Variants in DNAJC1 observed in about 807,000 individuals in gnomAD.
DNAJC1 encodes the protein dnaJ homolog subfamily C member 1.
In DNAJC1, 58 loss-of-function variants were observed where a neutral mutation model predicts 76.6. The ratio of observed to expected loss-of-function variants is 0.76; its 90% CI spans 0.61 to 0.94. DNAJC1 has a LOEUF of 0.94. Among genes scored for constraint, DNAJC1 ranks in the 40% least tolerant of loss-of-function variants. The pLI, the probability that DNAJC1 is intolerant of heterozygous loss-of-function variation, is 0.00. For missense variants in DNAJC1, 689 were observed against 677.3 expected (o/e 1.02, Z -0.19); for synonymous variants, 258 against 267.9 (o/e 0.96, Z 0.36).
intron 8 of DNAJC1, among the ~76,000 whole-genome samples, chr10:21,846,677 A>T (rs972101424): frequency 6.6e-6 from 1 of 152,114 alleles, no homozygotes; most frequent in Non-Finnish European, 1.5e-5. Context: ...GAAGACAGAA[A>T]ATTTAAAAGC....
At chr10:21,959,487 T>C (rs1837750177) in intron 1 of DNAJC1, among the ~76,000 whole-genome samples, 1 of 152,100 alleles carries the variant, frequency 6.6e-6, no homozygotes, top group Non-Finnish European at 1.5e-5. Flanking sequence ...GAATACATTT[T>C]TAAAACACTG....
rs747281681 is a variant in DNAJC1, at chr10:21,759,304, C to A, written c.1462G>T (p.Glu488Ter). ...GGCTCCTCTGCAGACCGAGCTCTCT[C>A]TTTTCTCAGGCTCTCCTCGTCGCTG... ...ESSDEESLRK[E>*]RARSAEEPWT... Residue 488 changes from glutamate to a stop codon, truncating the protein, a stop_gained, in exon 11 of 12, where the codon GAG becomes TAG. Coordinates refer to ENST00000376980, the MANE Select transcript of DNAJC1 (RefSeq NM_022365.4). LOFTEE classifies it high-confidence loss of function. 2 of 1,614,256 alleles carry A rather than the reference C, an allele frequency of 1.2e-6. No individual in the cohort carries two copies. The highest frequency in any genetic ancestry group is 3.3e-5 in the Admixed American group (2 of 60,030).
At chr10:21,934,155 T>A (rs940953603) in intron 1 of DNAJC1, among the ~76,000 whole-genome samples, 1 of 151,934 alleles carries the variant, frequency 6.6e-6, no homozygotes, top group Non-Finnish European at 1.5e-5. Context: ...ATGATCATGA[T>A]CCTGTGTAGG....
At chr10:21,911,636 T>C (rs1836865569) in intron 6 of DNAJC1, among the ~76,000 whole-genome samples, 1 of 152,188 alleles carries the variant, frequency 6.6e-6, no homozygotes. Context: ...TAGAAGAGAC[T>C]GTAGAAGCCA....
chr10:21,824,126 G>A (rs1353995978), intron 8 of DNAJC1, among the ~76,000 whole-genome samples: 1 of 152,168 alleles, frequency 6.6e-6, no homozygotes, highest in Non-Finnish European at 1.5e-5. Context: ...AAGATTCTAG[G>A]CATTCTGAGA....
At chr10:21,897,496 G>A (rs1836562499) in intron 7 of DNAJC1, among the ~76,000 whole-genome samples, 1 of 152,166 alleles carries the variant, frequency 6.6e-6, no homozygotes, top group Non-Finnish European at 1.5e-5. Context: ...CATGGACTTA[G>A]GAACCAGACC....
At chr10:21,925,625 G>C (rs1837115603) in intron 3 of DNAJC1, among the ~76,000 whole-genome samples, 1 of 152,088 alleles carries the variant, frequency 6.6e-6, no homozygotes, top group East Asian at 1.9e-4. Flanking sequence ...TGAACTACTG[G>C]TATATGCTAC....
intron 8 of DNAJC1, among the ~76,000 whole-genome samples, chr10:21,815,821 C>A (rs1835066275): frequency 6.6e-6 from 1 of 151,690 alleles, no homozygotes; most frequent in African/African-American, 2.4e-5. Context: ...ACTTGGCGCA[C>A]TACAACCTCT....
At chr10:21,861,769 A>C (rs550668234) in intron 8 of DNAJC1, among the ~76,000 whole-genome samples, 14 of 152,212 alleles carry the variant, frequency 9.2e-5, no homozygotes, top group African/African-American at 3.4e-4. Flanking sequence ...GTTACCCCGG[A>C]TGGTCTAGAA....
intron 8 of DNAJC1, among the ~76,000 whole-genome samples, chr10:21,852,937 T>A (rs1280480089): frequency 6.6e-6 from 1 of 152,190 alleles, no homozygotes; most frequent in Non-Finnish European, 1.5e-5. Context: ...ACTAGTTAGC[T>A]ATGATTTTCA....
intron 8 of DNAJC1, among the ~76,000 whole-genome samples, chr10:21,835,663 G>C (rs1353488809): frequency 6.6e-6 from 1 of 152,218 alleles, no homozygotes; most frequent in Admixed American, 6.5e-5. Context: ...CAACACACGA[G>C]AGCTACGTGA....
At chr10:21,833,029 A>T (rs1835386132) in intron 8 of DNAJC1, among the ~76,000 whole-genome samples, 1 of 152,188 alleles carries the variant, frequency 6.6e-6, no homozygotes, top group South Asian at 2.1e-4. Context: ...TTTCATAAAA[A>T]TTTTTGGTTT....
At chr10:21,958,463 C>A (rs1176589556) in intron 1 of DNAJC1, among the ~76,000 whole-genome samples, 2 of 147,926 alleles carry the variant, frequency 1.4e-5, no homozygotes, top group East Asian at 3.9e-4. Context: ...GAGTCTCGTT[C>A]TGTTGCCCAG....
At chr10:21,912,108 C>T (rs1166146688) in intron 6 of DNAJC1, among the ~76,000 whole-genome samples, 1 of 152,124 alleles carries the variant, frequency 6.6e-6, no homozygotes, top group Non-Finnish European at 1.5e-5. Flanking sequence ...TTTAAGATTA[C>T]ACAGCTTATA....
In DNAJC1 at chr10:21,759,297, GCTCT is replaced by G. The variant is rs755362932; in HGVS notation, c.1465_1468del (p.Arg489LeufsTer34). The G allele has an allele frequency of 1.9e-6, 3 of 1,614,222 alleles. No individual in the cohort carries two copies. The highest frequency in any genetic ancestry group is 2.5e-6 in the Non-Finnish European group (3 of 1,180,036). On this transcript the variant is annotated frameshift_variant, in exon 11 of 12. Transcript: ENST00000376980. LOFTEE classifies it high-confidence loss of function. ...AGTCCACGGCTCCTCTGCAGACCGA[GCTCT>G]CTCTTTTCTCAGGCTCTCCTCGTCG...
intron 9 of DNAJC1, chr10:21,803,772 T>C (rs1834846206): frequency 5.5e-6 from 5 of 901,280 alleles, no homozygotes; most frequent in South Asian, 1.0e-4. Flanking sequence ...AAAGTTATAA[T>C]GGCATTTTTT....
At chr10:21,908,272 A>T (rs1292415423) in intron 6 of DNAJC1, among the ~76,000 whole-genome samples, 12 of 120,654 alleles carry the variant, frequency 9.9e-5, no homozygotes, top group East Asian at 8.8e-4. Flanking sequence ...TATATATTTT[A>T]TATATATATA....
At chr10:21,880,769 T>C (rs1369837020) in intron 8 of DNAJC1, among the ~76,000 whole-genome samples, 2 of 152,200 alleles carry the variant, frequency 1.3e-5, no homozygotes, top group Non-Finnish European at 2.9e-5. Flanking sequence ...ATTTTCAGAA[T>C]GATAAATGAG....
At chr10:21,917,444 A>T (rs915172662) in intron 6 of DNAJC1, among the ~76,000 whole-genome samples, 26 of 152,088 alleles carry the variant, frequency 1.7e-4, no homozygotes, top group African/African-American at 6.3e-4. Context: ...CTGCCTCATG[A>T]ATATACTTTT....
Sources: allele counts gnomAD v4.1 joint callset (sites outside exome capture counted in the v4.1 genomes callset), GRCh38; gene constraint gnomAD v4.1.1; transcripts MANE v1.5; gene names NCBI Gene and HGNC (gene_info 2026-07-23, HGNC 2026-07-21).